CLEC16A: variants seen among roughly 807,000 people sequenced by gnomAD.
CLEC16A encodes the protein C-type lectin domain containing 16A.
CLEC16A carries 51 observed loss-of-function variants against 109.5 expected under a neutral mutation model. The ratio of observed to expected loss-of-function variants is 0.47; its 90% confidence interval spans 0.37 to 0.59. The LOEUF (loss-of-function observed/expected upper bound fraction) is 0.59. CLEC16A is among the 20% of genes least tolerant of loss of function. The pLI is 0.00. For synonymous variants in CLEC16A, 673 were observed against 564.2 expected, an observed-to-expected ratio of 1.19 and a Z score of -2.73; for missense variants, 1,339 against 1,394.0, an observed-to-expected ratio of 0.96 and a Z score of 0.63.
chr16:11,022,916 T>G (rs901412134), intron 12 of CLEC16A, among the ~76,000 whole-genome samples: 7 of 148,692 alleles, frequency 4.7e-5, no homozygotes, highest in African/African-American at 1.7e-4. Flanking sequence ...TATATATATA[T>G]ATATATATGT....
At chr16:11,002,974 G>A in intron 10 of CLEC16A, 100 bp from the exon 11 acceptor site, 1 of 855,376 alleles carries the variant, frequency 1.2e-6, no homozygotes, top group Non-Finnish European at 1.8e-6. Context: ...GTTTCTTTTG[G>A]AGATGAGTTT....
At chr16:10,959,269 G>A (rs2042140074) in intron 2 of CLEC16A, among the ~76,000 whole-genome samples, 1 of 152,164 alleles carries the variant, frequency 6.6e-6, no homozygotes, top group African/African-American at 2.4e-5. Flanking sequence ...GCTACTTGTG[G>A]AAATGCAGAC....
At chr16:11,043,253 TA>T (rs1414347852) in intron 15 of CLEC16A, among the ~76,000 whole-genome samples, 1 of 151,852 alleles carries the variant, frequency 6.6e-6, no homozygotes, top group South Asian at 2.1e-4. Context: ...ACCCTATCTC[TA>T]AAAAAACAAA....
intron 23 of CLEC16A, among the ~76,000 whole-genome samples, chr16:11,175,561 T>C (rs1437707874): frequency 6.6e-6 from 1 of 152,240 alleles, no homozygotes; most frequent in East Asian, 1.9e-4. Context: ...TCACCTGCCT[T>C]GGTTGGATAC....
intron 13 of CLEC16A, among the ~76,000 whole-genome samples, chr16:11,025,260 G>T (rs1405371896): frequency 6.6e-6 from 1 of 152,182 alleles, no homozygotes; most frequent in African/African-American, 2.4e-5. Context: ...CCTAACATCA[G>T]AACTGAAATC....
chr16:11,155,594 C>T (rs181063846), intron 22 of CLEC16A, among the ~76,000 whole-genome samples: 3 of 152,376 alleles, frequency 2.0e-5, no homozygotes, highest in East Asian at 3.9e-4. Context: ...TTATCCATCA[C>T]GGCCTTTCTG....
chr16:11,002,079 G>A (rs991696842), intron 10 of CLEC16A, among the ~76,000 whole-genome samples: 2 of 152,212 alleles, frequency 1.3e-5, no homozygotes, highest in Non-Finnish European at 2.9e-5. Context: ...CAGCTTGTGT[G>A]GCTGGTACGT....
Position 11,120,736 on chromosome 16 carries a change from G to C in CLEC16A, c.2238G>C (p.Trp746Cys), listed in dbSNP as rs1463942949. Reference sequence around the variant, plus strand: ...AGCCTGATGTGTCCAGGCTTGGCTGGGGAGTGGTCAAGTTTGCAGGCCTAT... The same window carrying C: ...AGCCTGATGTGTCCAGGCTTGGCTGCGGAGTGGTCAAGTTTGCAGGCCTAT... ...LVEPDVSRLG[W>C]GVVKFAGLLQ... is the part of the protein sequence containing the mutation. The change falls in exon 20 of 24, where the codon TGG (tryptophan) becomes TGC (cysteine). Residue 746 changes from tryptophan to cysteine, a missense_variant. Transcript: ENST00000409790. 1.9e-6 allele frequency: 3 copies of C among 1,581,322 alleles called. No individual in the cohort carries two copies. The East Asian group carries it at 6.9e-5, about 36-fold the overall frequency.
Position 11,104,916 on chromosome 16 carries a change from G to A in CLEC16A, c.2117-15699G>A, listed in dbSNP as rs187446894. ...AGCAGAGCCATCACAGAGGGCTTCC[G>A]AAGACCAGGATACCCTTGTTCCTGG... On this transcript the variant is annotated intron_variant, in intron 19 of 23. Transcript: ENST00000409790. Among the ~76,000 whole-genome samples the A allele has an allele frequency of 3.3e-5, 5 of 152,284 alleles. No homozygotes were observed. The South Asian group carries it at 6.2e-4, about 19-fold the overall frequency.
chr16:11,166,627 G>T (rs2068275794), intron 23 of CLEC16A, 75 bp downstream of exon 23: 1 of 1,408,224 alleles, frequency 7.1e-7, no homozygotes, highest in Non-Finnish European at 9.4e-7. Flanking sequence ...CAAAACCCCT[G>T]ACCTCCAGGT....
In CLEC16A at chr16:11,106,146, G is replaced by A. The variant is rs148462538; in HGVS notation, c.2117-14469G>A. On this transcript the variant is annotated intron_variant, in intron 19 of 23. Coordinates refer to ENST00000409790, the MANE Select transcript of CLEC16A (RefSeq NM_015226.3). Reference sequence around the variant, plus strand: ...GTGTCAAATCTGTTGTAATTTGCCTGAACTTCACAACAATGCTAGGAAGTC... The same window carrying A: ...GTGTCAAATCTGTTGTAATTTGCCTAAACTTCACAACAATGCTAGGAAGTC... Among the ~76,000 whole-genome samples the A allele has an allele frequency of 1.4e-3, 213 of 152,288 alleles. 1 individual carries two copies. Among genetic ancestry groups the A allele is most frequent in the African/African-American group, 4.7e-3 (196 of 41,566 alleles).
Position 10,944,589 on chromosome 16 carries a change from A to C in CLEC16A, c.-129A>C. 3.4e-6 allele frequency: 3 copies of C among 877,514 alleles called. No homozygotes were observed. The highest frequency in any genetic ancestry group is 5.2e-6 in the Non-Finnish European group (3 of 572,870). 54.4% of individuals were successfully genotyped at this position (877,514 alleles called of 1,614,324 possible). A position where few individuals can be genotyped will look rare whatever the true frequency, so the allele number is the denominator to read the frequency against. On this transcript the variant is annotated 5_prime_UTR_variant, in exon 1 of 24. Transcript: ENST00000409790. ...AGTGCTGGGCTGTGGGCCGGGGAGG[A>C]AGGCGGCTCGCGGTTCCTCCACCGC... is the stretch of plus-strand genomic sequence containing the variant.
intron 18 of CLEC16A, 24 bp from the exon 19 acceptor site, chr16:11,060,878 C>G: frequency 1.3e-6 from 2 of 1,588,482 alleles, no homozygotes; most frequent in Non-Finnish European, 1.7e-6. Context: ...TCACTCTTCT[C>G]TGCTCTCTGA....
intron 18 of CLEC16A, among the ~76,000 whole-genome samples, chr16:11,059,123 C>G (rs571038163): frequency 6.6e-6 from 1 of 152,332 alleles, no homozygotes; most frequent in South Asian, 2.1e-4. Context: ...CTCTGCCCCT[C>G]TCAGCTCTGT....
At chr16:10,963,025 C>A (rs1226709835) in intron 3 of CLEC16A, among the ~76,000 whole-genome samples, 1 of 151,972 alleles carries the variant, frequency 6.6e-6, no homozygotes, top group Non-Finnish European at 1.5e-5. Context: ...CCACTGCACT[C>A]CAGCCTGGGT....
chr16:11,166,340 A>C, intron 22 of CLEC16A, 48 bp from the exon 23 acceptor site: 1 of 1,539,646 alleles, frequency 6.5e-7, no homozygotes, highest in Non-Finnish European at 8.8e-7. Context: ...TGAGGCCCTC[A>C]GGCCTACTCT....
chr16:11,123,787 A>G lies in CLEC16A; in HGVS notation c.2314A>G (p.Ile772Val). ...GVEDDSRALN[I>V]TIHKPASSPH... ...GGAGGACGACAGCCGTGCCCTGAAC[A>G]TCACCATCCACAAGCCTGCGTCCAG... The change falls in exon 21 of 24, where the codon ATC becomes GTC. Residue 772 changes from isoleucine (I) to valine (V), a missense_variant. By Grantham distance (29) the Ile-to-Val change is conservative (BLOSUM62 3). This residue lies in a region of CLEC16A where 1,061 missense variants were observed against 1,006.8 expected (regional missense o/e 1.05). Transcript: ENST00000409790. The G allele has an allele frequency of 6.2e-7, 1 of 1,614,070 alleles. No homozygotes were observed. Among genetic ancestry groups the G allele is most frequent in the Non-Finnish European group, 8.5e-7 (1 of 1,179,906 alleles).
At chr16:11,126,984 C>T (rs778228613) in intron 22 of CLEC16A, among the ~76,000 whole-genome samples, 9 of 152,158 alleles carry the variant, frequency 5.9e-5, no homozygotes, top group Non-Finnish European at 1.3e-4. Flanking sequence ...CCTGGTTCCC[C>T]CATGTGATTT....
chr16:11,027,519 C>A, intron 13 of CLEC16A: 2 of 1,575,908 alleles, frequency 1.3e-6, no homozygotes, highest in East Asian at 4.5e-5. Flanking sequence ...TAAGACCATC[C>A]CTCTGACAGA....
Sources: allele counts gnomAD v4.1 joint callset (sites outside exome capture counted in the v4.1 genomes callset), GRCh38; gene constraint gnomAD v4.1.1; regional missense constraint gnomAD v4.1.1; transcripts MANE v1.5; gene names NCBI Gene and HGNC (gene_info 2026-07-23, HGNC 2026-07-21).